Variants in DRP2 observed in about 807,000 individuals in gnomAD.
DRP2 encodes the protein dystrophin-related protein 2.
In DRP2, 29 loss-of-function variants were observed where a neutral mutation model predicts 78.2. The ratio of observed to expected loss-of-function variants is 0.37; its 90% CI spans 0.28 to 0.51. The LOEUF is 0.51. Ranked by LOEUF, DRP2 falls within the 20% of genes least tolerant of loss-of-function variation. The pLI, the probability that DRP2 is intolerant of heterozygous loss-of-function variation, is 0.94. For missense variants in DRP2, 686 were observed against 770.6 expected (o/e 0.89, Z 1.30); for synonymous variants, 290 against 281.9 (o/e 1.03, Z -0.29).
intron 17 of DRP2, among the ~76,000 whole-genome samples, chrX:101,253,476 C>T (rs1295116449): frequency 9.7e-6 from 1 of 102,673 alleles, no homozygotes; most frequent in East Asian, 3.0e-4. Flanking sequence ...CCACTGCTCT[C>T]TCTCCCCTAT....
chrX:101,241,967 T>C, intron 7 of DRP2, 31 bp downstream of exon 7: 1 of 1,149,189 alleles, frequency 8.7e-7, no homozygotes, highest in Non-Finnish European at 1.2e-6. Context: ...GACTACAGTC[T>C]ACCCTGAGAC....
intron 21 of DRP2, among the ~76,000 whole-genome samples, chrX:101,257,429 TAAAAAAAAA>T (rs57717609): frequency 1.9e-5 from 1 of 51,447 alleles, no homozygotes; most frequent in Non-Finnish European, 3.7e-5. Context: ...CAAGGCAAGA[TAAAAAAAAA>T]AAAAAAAAAA....
intron 17 of DRP2, among the ~76,000 whole-genome samples, chrX:101,253,440 A>C (rs1923206642): frequency 1.9e-5 from 2 of 104,361 alleles, no homozygotes; most frequent in Non-Finnish European, 3.9e-5. Context: ...ATGCTCCCAA[A>C]GCCCTGATCA....
At chrX:101,235,433 GTA>G (rs1922461828) in intron 3 of DRP2, among the ~76,000 whole-genome samples, 1 of 112,406 alleles carries the variant, frequency 8.9e-6, no homozygotes, top group Non-Finnish European at 1.9e-5. Flanking sequence ...TGGGTAAACT[GTA>G]GGACCCTGAA....
intron 8 of DRP2, 43 bp from the exon 9 acceptor site, chrX:101,242,861 T>C (rs946539441): frequency 5.2e-6 from 6 of 1,149,107 alleles, no homozygotes; most frequent in Non-Finnish European, 7.1e-6. Flanking sequence ...CCACTCTAAA[T>C]AGCTGGAATG....
chrX:101,232,535 G>T (rs886819345), intron 3 of DRP2, among the ~76,000 whole-genome samples: 3 of 111,082 alleles, frequency 2.7e-5, no homozygotes, highest in Non-Finnish European at 3.8e-5. Flanking sequence ...GGCAGGCAGC[G>T]GCCGAATATA....
At chrX:101,251,351 G>C (rs1408711507) in intron 16 of DRP2, 1 of 208,376 alleles carries the variant, frequency 4.8e-6, no homozygotes, top group Non-Finnish European at 8.6e-6. Context: ...GAGCACCTAT[G>C]TACTAAATGG....
intron 20 of DRP2, 92 bp downstream of exon 20, chrX:101,255,341 G>C: frequency 1.1e-6 from 1 of 939,723 alleles, no homozygotes; most frequent in Non-Finnish European, 1.5e-6. Context: ...CAGGGAATGG[G>C]GGTGTGTGGT....
At chrX:101,255,095 C>T (rs1482229634) in intron 19 of DRP2, 89 bp from the exon 20 acceptor site, 27 of 1,089,828 alleles carry the variant, frequency 2.5e-5, no homozygotes, top group Non-Finnish European at 3.4e-5. Flanking sequence ...GCTCTCAAAG[C>T]CAATGATCCT....
chrX:101,239,968 A>G (rs1165851413), intron 6 of DRP2, among the ~76,000 whole-genome samples: 2 of 111,236 alleles, frequency 1.8e-5, no homozygotes, highest in Non-Finnish European at 3.8e-5. Flanking sequence ...ACTTGAGCCC[A>G]GAAGTTCGAG....
intron 16 of DRP2, 155 bp downstream of exon 16, chrX:101,251,238 A>G: frequency 5.8e-6 from 3 of 520,440 alleles, no homozygotes; most frequent in Non-Finnish European, 8.6e-6. Flanking sequence ...TATATTGCAG[A>G]ATGTTTAATT....
Position 101,235,996 on chromosome X carries a change from A to T in DRP2, c.254A>T (p.Glu85Val), listed in dbSNP as rs2047274411. The change falls in exon 4 of 24, where the codon GAA (glutamate) becomes GTA (valine). Residue 85 changes from glutamate (E) to valine (V), a missense_variant. Around this residue, in one of 2 missense-constraint regions of DRP2, gnomAD observed 263 missense variants for 239.1 expected, o/e 1.10. Transcript: ENST00000395209. ...EPPAMNLCWN[E>V]IKKKSHNLRA... Reference sequence around the variant, plus strand: ...CCAGCCATGAATCTGTGTTGGAATGAAATAAAAAAGAAGTCTCACAACCTC... The same window carrying T: ...CCAGCCATGAATCTGTGTTGGAATGTAATAAAAAAGAAGTCTCACAACCTC... 8.3e-7 allele frequency: 1 copy of T among 1,211,921 alleles called. No homozygotes were observed. Among genetic ancestry groups the T allele is most frequent in the African/African-American group, 1.7e-5 (1 of 57,846 alleles).
chrX:101,257,645 GA>G (rs1284750395), intron 21 of DRP2, among the ~76,000 whole-genome samples: 76 of 92,774 alleles, frequency 8.2e-4, no homozygotes, highest in Admixed American at 2.5e-3. Flanking sequence ...ACAACAGAGT[GA>G]AAAAAAAAAA....
At position 101,256,108 on chromosome X, in the gene DRP2, A is replaced by G; in HGVS notation, c.2247-10A>G. 8.6e-7 allele frequency: 1 copy of G among 1,161,433 alleles called. No individual in the cohort carries two copies. The highest frequency in any genetic ancestry group is 1.1e-6 in the Non-Finnish European group (1 of 872,832). On this transcript the variant is annotated splice_polypyrimidine_tract_variant and intron_variant, in intron 20 of 23. Coordinates refer to ENST00000395209, the MANE Select transcript of DRP2 (RefSeq NM_001939.3). ...TGGTCACCTACTCTGCTTTCCCCACACCCATGCAGAGACGAGGACCAGTAC... is the reference window on the plus strand; with the variant it reads ...TGGTCACCTACTCTGCTTTCCCCACGCCCATGCAGAGACGAGGACCAGTAC...
intron 5 of DRP2, among the ~76,000 whole-genome samples, chrX:101,238,512 G>T (rs1306735927): frequency 1.8e-5 from 2 of 111,261 alleles, no homozygotes; most frequent in Non-Finnish European, 3.8e-5. Flanking sequence ...GGGCATGAAG[G>T]TGAGATAGTG....
chrX:101,235,102 C>A (rs1331981037), intron 3 of DRP2, among the ~76,000 whole-genome samples: 2 of 111,095 alleles, frequency 1.8e-5, no homozygotes, highest in Non-Finnish European at 3.8e-5. Flanking sequence ...ACCATTCCCC[C>A]AAACCCCACA....
chrX:101,224,182 G>GTTTTTTTTTTTTTTTT (rs1214156680), intron 1 of DRP2, among the ~76,000 whole-genome samples: 2 of 44,232 alleles, frequency 4.5e-5, no homozygotes, highest in Non-Finnish European at 8.1e-5. Flanking sequence ...TGTTTGCTGG[G>GTTTTTTTTTTTTTTTT]TTTTTTTTGT....
intron 15 of DRP2, 60 bp downstream of exon 15, chrX:101,250,640 GGGAAGGAGGA>G (rs1923101429): frequency 7.8e-5 from 89 of 1,141,129 alleles, no homozygotes; most frequent in Non-Finnish European, 9.9e-5. Context: ...GTGGGAAGAA[GGGAAGGAGGA>G]CTACGAGCTA....
Position 101,256,260 on chromosome X carries a change from C to T in DRP2, c.2389C>T (p.Arg797Trp), listed in dbSNP as rs756556172. Residue 797 changes from arginine (R) to tryptophan (W), a missense_variant and splice_region_variant, in exon 21 of 24, where the codon CGG (arginine) becomes TGG (tryptophan). Transcript: ENST00000395209. The stretch of plus-strand genomic sequence containing the variant: ...CCTGGCCCACTTGGAAGATGAGAAC[C>T]GGTGGGTGTGATGATAGCAGAAATC... ...KILAHLEDEN[R>W]ILQGELRRLK... 1.7e-5 allele frequency: 20 copies of T among 1,177,047 alleles called. No homozygotes were observed. The highest frequency in any genetic ancestry group is 8.1e-5 in the South Asian group (4 of 49,563).
Sources: allele counts gnomAD v4.1 joint callset (sites outside exome capture counted in the v4.1 genomes callset), GRCh38; gene constraint gnomAD v4.1.1; regional missense constraint gnomAD v4.1.1; transcripts MANE v1.5; gene names NCBI Gene and HGNC (gene_info 2026-07-23, HGNC 2026-07-21).